Variants in COL14A1 observed in about 807,000 individuals in gnomAD.
COL14A1 encodes the protein collagen type XIV alpha 1 chain, also known as collagen alpha-1(XIV) chain.
COL14A1 carries 136 observed loss-of-function variants against 230.3 expected under a neutral mutation model. The ratio of observed to expected loss-of-function variants is 0.59; its 90% CI spans 0.51 to 0.68. The LOEUF (loss-of-function observed/expected upper bound fraction) is 0.68, where lower values mean the gene tolerates loss of function less well. Among genes scored for constraint, COL14A1 ranks in the 30% least tolerant of loss-of-function variants. The probability of loss-of-function intolerance (pLI) is 0.00; values close to 1 mark genes in which losing one functional copy is unlikely to be tolerated. For synonymous variants in COL14A1, 792 were observed against 784.1 expected, an observed-to-expected ratio of 1.01 and a Z score of -0.17; for missense variants, 1,976 against 2,215.8, an observed-to-expected ratio of 0.89 and a Z score of 2.17.
At chr8:120,165,360 G>A (rs1242500308) in intron 4 of COL14A1, among the ~76,000 whole-genome samples, 2 of 152,204 alleles carry the variant, frequency 1.3e-5, no homozygotes, top group African/African-American at 4.8e-5. Flanking sequence ...TTGATACACA[G>A]TAAAACATAA....
At chr8:120,304,732 G>A (rs888150257) in intron 36 of COL14A1, among the ~76,000 whole-genome samples, 8 of 152,122 alleles carry the variant, frequency 5.3e-5, no homozygotes, top group Non-Finnish European at 8.8e-5. Flanking sequence ...CAGTTGGAAA[G>A]GGAGAAAATG....
chr8:120,197,161 A>C (rs551030454), intron 6 of COL14A1, among the ~76,000 whole-genome samples: 6 of 152,262 alleles, frequency 3.9e-5, no homozygotes, highest in Non-Finnish European at 8.8e-5. Context: ...ACATATTTTA[A>C]TCTTCTGAAA....
Position 120,370,368 on chromosome 8 carries a change from A to G in COL14A1, c.5312-784A>G, listed in dbSNP as rs1005413135. ...CCCCTACAATGATTACCAGCACTGA[A>G]GTGGAAATCCTCCACTCTGGTTCCA... On this transcript the variant is annotated intron_variant, in intron 47 of 47. Transcript: ENST00000297848. The G allele has an allele frequency of 1.9e-6, 3 of 1,612,088 alleles. No homozygotes were observed. The East Asian group carries it at 6.7e-5, about 36-fold the overall frequency.
chr8:120,339,495 C>T (rs897570552), intron 42 of COL14A1, among the ~76,000 whole-genome samples: 1 of 152,092 alleles, frequency 6.6e-6, no homozygotes, highest in African/African-American at 2.4e-5. Flanking sequence ...CTCCCTGCTT[C>T]TGAATAACGA....
At chr8:120,335,066 G>A (rs1266659676) in intron 42 of COL14A1, among the ~76,000 whole-genome samples, 1 of 152,138 alleles carries the variant, frequency 6.6e-6, no homozygotes, top group Non-Finnish European at 1.5e-5. Context: ...GGTATAGAGT[G>A]ATCCTGACCC....
chr8:120,169,067 G>T (rs897180174), intron 5 of COL14A1, among the ~76,000 whole-genome samples: 1 of 152,066 alleles, frequency 6.6e-6, no homozygotes, highest in Admixed American at 6.5e-5. Flanking sequence ...TGTTGTCCAG[G>T]CTGGTCTCGA....
intron 22 of COL14A1, 144 bp from the exon 23 acceptor site, chr8:120,255,096 A>G (rs1172976354): frequency 5.7e-6 from 4 of 696,426 alleles, no homozygotes; most frequent in Non-Finnish European, 1.1e-5. Flanking sequence ...TATCTTTTGT[A>G]TACTAACTCA....
At chr8:120,201,633 C>T (rs1165119142) in intron 8 of COL14A1, among the ~76,000 whole-genome samples, 8 of 152,126 alleles carry the variant, frequency 5.3e-5, no homozygotes, top group African/African-American at 1.9e-4. Context: ...ACATTTCTTA[C>T]CCTGAAATTT....
chr8:120,242,998 C>G (rs1372757313), intron 19 of COL14A1, among the ~76,000 whole-genome samples: 1 of 152,174 alleles, frequency 6.6e-6, no homozygotes, highest in Non-Finnish European at 1.5e-5. Flanking sequence ...CCCTTAAACC[C>G]GTTTGAGTCA....
intron 5 of COL14A1, among the ~76,000 whole-genome samples, chr8:120,178,917 T>C (rs1273951513): frequency 6.6e-6 from 1 of 151,992 alleles, no homozygotes; most frequent in Non-Finnish European, 1.5e-5. Context: ...CACTTTTTGA[T>C]GGTTTTTTTT....
At chr8:120,165,576 A>G (rs910514385) in intron 4 of COL14A1, among the ~76,000 whole-genome samples, 1 of 152,132 alleles carries the variant, frequency 6.6e-6, no homozygotes, top group African/African-American at 2.4e-5. Context: ...AAGAAATACC[A>G]TTTTGCTTGT....
chr8:120,244,247 A>G (rs541061088), intron 20 of COL14A1, among the ~76,000 whole-genome samples: 1 of 152,326 alleles, frequency 6.6e-6, no homozygotes, highest in East Asian at 1.9e-4. Flanking sequence ...AAAAACAACT[A>G]CATCTTTCTC....
chr8:120,180,321 T>C (rs1816421566), intron 5 of COL14A1, among the ~76,000 whole-genome samples: 1 of 152,242 alleles, frequency 6.6e-6, no homozygotes, highest in African/African-American at 2.4e-5. Context: ...TGAAATACTG[T>C]TTTCTTTCTC....
chr8:120,221,141 A>C (rs1817921329), intron 14 of COL14A1, among the ~76,000 whole-genome samples: 1 of 152,096 alleles, frequency 6.6e-6, no homozygotes, highest in Non-Finnish European at 1.5e-5. Flanking sequence ...CAGTTTTTGG[A>C]TTTTGAGAGG....
At chr8:120,295,398 A>G (rs962644778) in intron 34 of COL14A1, among the ~76,000 whole-genome samples, 5 of 151,900 alleles carry the variant, frequency 3.3e-5, no homozygotes, top group East Asian at 1.9e-4. Flanking sequence ...CCCCGGTCCT[A>G]TTCCACAGAA....
chr8:120,217,603 C>A (rs932927140), intron 14 of COL14A1, among the ~76,000 whole-genome samples: 2 of 152,164 alleles, frequency 1.3e-5, no homozygotes, highest in Non-Finnish European at 2.9e-5. Context: ...GCAGTAAGTA[C>A]ACATTTGCTA....
intron 5 of COL14A1, among the ~76,000 whole-genome samples, chr8:120,194,807 A>G (rs919430015): frequency 2.0e-5 from 3 of 152,188 alleles, no homozygotes; most frequent in Non-Finnish European, 4.4e-5. Context: ...ACTTTTCCCC[A>G]TAAAAACAGA....
At chr8:120,366,952 A>G (rs556002152) in intron 45 of COL14A1, among the ~76,000 whole-genome samples, 1 of 152,344 alleles carries the variant, frequency 6.6e-6, no homozygotes, top group South Asian at 2.1e-4. Flanking sequence ...TAGCAAATAC[A>G]GACCACACAC....
intron 5 of COL14A1, among the ~76,000 whole-genome samples, chr8:120,190,774 A>G (rs1816796846): frequency 6.6e-6 from 1 of 152,096 alleles, no homozygotes; most frequent in African/African-American, 2.4e-5. Flanking sequence ...TAGTCTTGGG[A>G]GGGTGTATGT....
Sources: gnomAD v4.1 joint callset for allele counts (sites outside exome capture counted in the v4.1 genomes callset) on GRCh38, gnomAD v4.1.1 for gene constraint, MANE v1.5 for transcripts, NCBI Gene and HGNC (gene_info 2026-07-23, HGNC 2026-07-21) for gene names.